Variants in GALNT2 observed in about 807,000 individuals in gnomAD.
GALNT2 encodes polypeptide N-acetylgalactosaminyltransferase 2.
GALNT2 carries 31 observed loss-of-function variants against 81.4 expected under a neutral mutation model. The observed-to-expected ratio is 0.38, with a 90% CI of 0.29 to 0.51. The LOEUF (loss-of-function observed/expected upper bound fraction) is 0.51. GALNT2 is among the 20% of genes least tolerant of loss of function. GALNT2 has a pLI of 0.87. For missense variants in GALNT2, 629 were observed against 765.7 expected, an observed-to-expected ratio of 0.82 and a Z score of 2.11; for synonymous variants, 303 against 287.4, an observed-to-expected ratio of 1.05 and a Z score of -0.55.
chr1:230,158,752 A>G (rs1313873808), intron 1 of GALNT2, among the ~76,000 whole-genome samples: 2 of 152,250 alleles, frequency 1.3e-5, no homozygotes, highest in Admixed American at 6.5e-5. Flanking sequence ...AAGCTCTTGC[A>G]TGTTGCAACC....
chr1:230,182,347 C>A (rs910070262), intron 2 of GALNT2, among the ~76,000 whole-genome samples: 1 of 151,984 alleles, frequency 6.6e-6, no homozygotes, highest in African/African-American at 2.4e-5. Context: ...TTCTTATTTT[C>A]TAATGTATGC....
intron 2 of GALNT2, among the ~76,000 whole-genome samples, chr1:230,186,273 C>G (rs1244483413): frequency 1.3e-5 from 2 of 152,144 alleles, no homozygotes; most frequent in Non-Finnish European, 2.9e-5. Context: ...TGTGCCCTCC[C>G]CATGCGTTGT....
chr1:230,269,658 G>A (rs1666120555), intron 14 of GALNT2, among the ~76,000 whole-genome samples: 1 of 151,904 alleles, frequency 6.6e-6, no homozygotes, highest in Non-Finnish European at 1.5e-5. Context: ...ACTTTAGGAA[G>A]CCAAGGCAGG....
chr1:230,152,369 G>A (rs1662117965), intron 1 of GALNT2, among the ~76,000 whole-genome samples: 1 of 152,112 alleles, frequency 6.6e-6, no homozygotes, highest in African/African-American at 2.4e-5. Context: ...TCAAAGATGA[G>A]GGCAAGGTTT....
intron 1 of GALNT2, among the ~76,000 whole-genome samples, chr1:230,105,818 C>G (rs1363622683): frequency 6.6e-6 from 1 of 151,862 alleles, no homozygotes; most frequent in African/African-American, 2.4e-5. Context: ...AGAGAGAAGT[C>G]AAAAGACTTG....
At chr1:230,228,950 A>T (rs904133791) in intron 3 of GALNT2, among the ~76,000 whole-genome samples, 12 of 152,264 alleles carry the variant, frequency 7.9e-5, no homozygotes, top group Non-Finnish European at 1.8e-4. Context: ...ATATACATGG[A>T]TATACATAAT....
At chr1:230,127,967 C>T (rs886885056) in intron 1 of GALNT2, among the ~76,000 whole-genome samples, 1 of 152,038 alleles carries the variant, frequency 6.6e-6, no homozygotes, top group Non-Finnish European at 1.5e-5. Context: ...AGCCATCTAT[C>T]CCAGCGGCCC....
intron 1 of GALNT2, among the ~76,000 whole-genome samples, chr1:230,147,685 T>C (rs1661962821): frequency 6.6e-6 from 1 of 152,222 alleles, no homozygotes. Context: ...TGGTTGAGGC[T>C]AAACAGTCAC....
chr1:230,206,910 TCCCCTGAGCCA>T (rs1664072642), intron 3 of GALNT2, among the ~76,000 whole-genome samples: 1 of 151,948 alleles, frequency 6.6e-6, no homozygotes, highest in Admixed American at 6.6e-5. Context: ...TGGTTGCCCC[TCCCCTGAGCCA>T]CCTCAGTGAG....
chr1:230,104,195 C>T (rs896971755), intron 1 of GALNT2, among the ~76,000 whole-genome samples: 3 of 152,020 alleles, frequency 2.0e-5, no homozygotes, highest in African/African-American at 7.2e-5. Flanking sequence ...GGTGGGGGGC[C>T]GAGGGAGGCA....
intron 2 of GALNT2, among the ~76,000 whole-genome samples, chr1:230,200,053 CTTTTTTTTCTTTTT>C (rs1165428419): frequency 2.3e-5 from 3 of 129,734 alleles, no homozygotes; most frequent in South Asian, 2.4e-4. Context: ...TCATTTAATT[CTTTTTTTTCTTTTT>C]TTTTTTTTTT....
At chr1:230,228,069 T>TG (rs750887706) in intron 3 of GALNT2, among the ~76,000 whole-genome samples, 11 of 152,040 alleles carry the variant, frequency 7.2e-5, no homozygotes, top group Admixed American at 3.9e-4. Context: ...AATTCAAAAA[T>TG]GTAATAGGAA....
At chr1:230,233,955 C>T (rs1664944918) in intron 3 of GALNT2, among the ~76,000 whole-genome samples, 1 of 151,740 alleles carries the variant, frequency 6.6e-6, no homozygotes, top group Non-Finnish European at 1.5e-5. Flanking sequence ...AAATTTCCTC[C>T]ACAGGGTCTC....
intron 3 of GALNT2, among the ~76,000 whole-genome samples, chr1:230,234,121 G>A (rs1030747379): frequency 2.6e-5 from 4 of 152,132 alleles, no homozygotes; most frequent in African/African-American, 9.7e-5. Flanking sequence ...GTCTTGGTGT[G>A]GGCTTTTAGT....
intron 1 of GALNT2, among the ~76,000 whole-genome samples, chr1:230,131,128 T>C (rs1004415123): frequency 3.3e-5 from 5 of 152,236 alleles, no homozygotes; most frequent in Non-Finnish European, 5.9e-5. Context: ...ACGTTTGTTT[T>C]TTTTTTATAA....
intron 1 of GALNT2, among the ~76,000 whole-genome samples, chr1:230,164,670 A>G (rs981393144): frequency 6.6e-6 from 1 of 151,832 alleles, no homozygotes; most frequent in African/African-American, 2.4e-5. Context: ...AGTAGCTGGG[A>G]CTACAGGCGC....
intron 1 of GALNT2, among the ~76,000 whole-genome samples, chr1:230,099,880 C>G (rs1195767018): frequency 6.6e-6 from 1 of 152,204 alleles, no homozygotes; most frequent in Non-Finnish European, 1.5e-5. Context: ...CAATTTGTTT[C>G]CATTATAGGA....
chr1:230,124,113 A>C (rs1163570355), intron 1 of GALNT2, among the ~76,000 whole-genome samples: 1 of 152,218 alleles, frequency 6.6e-6, no homozygotes, highest in African/African-American at 2.4e-5. Context: ...GCTCAACTTT[A>C]AAAAGAAGTA....
At chr1:230,221,202 A>G (rs1664536857) in intron 3 of GALNT2, among the ~76,000 whole-genome samples, 1 of 152,164 alleles carries the variant, frequency 6.6e-6, no homozygotes, top group Non-Finnish European at 1.5e-5. Flanking sequence ...TACATAGGAA[A>G]TATTTTCTAG....
Sources: allele counts gnomAD v4.1 joint callset (sites outside exome capture counted in the v4.1 genomes callset), GRCh38; gene constraint gnomAD v4.1.1; transcripts MANE v1.5; gene names NCBI Gene and HGNC (gene_info 2026-07-23, HGNC 2026-07-21).